The following AMPH variants were observed in gnomAD, a reference collection of about 807,000 sequenced individuals.
The protein encoded by AMPH is amphiphysin (Stiff-Mann syndrome with breast cancer 128kD autoantigen).
In AMPH, 49 loss-of-function variants were observed where a neutral mutation model predicts 99.1. The ratio of observed to expected loss-of-function variants is 0.49; its 90% CI spans 0.39 to 0.63. The LOEUF (loss-of-function observed/expected upper bound fraction) is 0.63, where lower values mean the gene tolerates loss of function less well. Ranked by LOEUF, AMPH falls within the 20% of genes least tolerant of loss-of-function variation. The pLI is 0.00. For missense variants in AMPH, 759 were observed against 863.4 expected (o/e 0.88, Z 1.52); for synonymous variants, 314 against 317.3 (o/e 0.99, Z 0.11).
At chr7:38,420,436 C>T (rs2128988287) in intron 16 of AMPH, among the ~76,000 whole-genome samples, 1 of 152,296 alleles carries the variant, frequency 6.6e-6, no homozygotes, top group South Asian at 2.1e-4. Flanking sequence ...CATGCCACAC[C>T]TATTTTGGAG....
At chr7:38,431,524 C>T (rs7806970) in intron 13 of AMPH, among the ~76,000 whole-genome samples, 55,792 of 151,728 alleles carry the variant, frequency 0.37, 11,243 homozygotes, top group Non-Finnish European at 0.46. Context: ...GGCGCGGTGG[C>T]GGGTGCCTGT....
At chr7:38,438,313 G>A (rs1196493604) in intron 11 of AMPH, among the ~76,000 whole-genome samples, 1 of 152,142 alleles carries the variant, frequency 6.6e-6, no homozygotes, top group African/African-American at 2.4e-5. Flanking sequence ...ACAAAAAATT[G>A]AGGGAGAGAT....
chr7:38,413,463 CAACT>C (rs372875372), intron 17 of AMPH, among the ~76,000 whole-genome samples: 49 of 152,240 alleles, frequency 3.2e-4, no homozygotes, highest in African/African-American at 1.1e-3. Flanking sequence ...ACTGCACTGT[CAACT>C]AACTAACAAA....
chr7:38,385,386 T>G (rs1242206635), intron 20 of AMPH, among the ~76,000 whole-genome samples: 1 of 152,164 alleles, frequency 6.6e-6, no homozygotes, highest in Middle Eastern at 3.2e-3. Flanking sequence ...GGAATACTGA[T>G]GAGGCCATGG....
chr7:38,597,573 G>T (rs1232595561), intron 1 of AMPH, among the ~76,000 whole-genome samples: 1 of 152,088 alleles, frequency 6.6e-6, no homozygotes, highest in African/African-American at 2.4e-5. Flanking sequence ...ATGCTGAGGT[G>T]AATTATCTTT....
intron 6 of AMPH, among the ~76,000 whole-genome samples, chr7:38,475,949 C>T (rs962425992): frequency 1.3e-5 from 2 of 152,144 alleles, no homozygotes; most frequent in Admixed American, 1.3e-4. Flanking sequence ...AAATGGAATT[C>T]CAGCTTACCA....
At chr7:38,392,065 GA>G in intron 18 of AMPH, 48 bp from the exon 19 acceptor site, 1 of 1,583,926 alleles carries the variant, frequency 6.3e-7, no homozygotes, top group African/African-American at 1.3e-5. Flanking sequence ...CTGGAAAACA[GA>G]ACCTCCTTGT....
At chr7:38,514,152 C>G (rs568084115) in intron 2 of AMPH, among the ~76,000 whole-genome samples, 1 of 152,086 alleles carries the variant, frequency 6.6e-6, no homozygotes, top group East Asian at 1.9e-4. Context: ...TGTCTGCCTC[C>G]CTGTTTTGGA....
At chr7:38,451,184 T>A (rs1046113511) in intron 11 of AMPH, among the ~76,000 whole-genome samples, 1 of 151,824 alleles carries the variant, frequency 6.6e-6, no homozygotes, top group Non-Finnish European at 1.5e-5. Context: ...TGAGTCACCA[T>A]GTCTGGCCCC....
At chr7:38,625,398 A>G (rs1384393238) in intron 1 of AMPH, among the ~76,000 whole-genome samples, 2 of 152,218 alleles carry the variant, frequency 1.3e-5, no homozygotes, top group African/African-American at 4.8e-5. Context: ...AAAATAAGCA[A>G]ATTTTTAAAG....
intron 2 of AMPH, among the ~76,000 whole-genome samples, chr7:38,514,637 C>T (rs1175650212): frequency 1.3e-5 from 2 of 152,082 alleles, no homozygotes; most frequent in African/African-American, 4.8e-5. Context: ...GGAGTGGGCT[C>T]CTGGTATTAA....
At chr7:38,418,582 G>T (rs994084589) in intron 16 of AMPH, among the ~76,000 whole-genome samples, 5 of 152,210 alleles carry the variant, frequency 3.3e-5, no homozygotes, top group Non-Finnish European at 7.3e-5. Context: ...AACAGAATCA[G>T]CTACCTGGCT....
chr7:38,426,005 C>T (rs75288498), intron 15 of AMPH, among the ~76,000 whole-genome samples: 1 of 152,146 alleles, frequency 6.6e-6, no homozygotes, highest in African/African-American at 2.4e-5. Flanking sequence ...GATGCATTAA[C>T]GTCTCTTTGT....
chr7:38,465,045 C>A (rs1399354317), intron 9 of AMPH, among the ~76,000 whole-genome samples: 1 of 152,102 alleles, frequency 6.6e-6, no homozygotes, highest in Non-Finnish European at 1.5e-5. Context: ...CTTTCCTTTC[C>A]CAAAATGGAT....
chr7:38,581,370 G>A (rs1349139260), intron 1 of AMPH, among the ~76,000 whole-genome samples: 1 of 152,096 alleles, frequency 6.6e-6, no homozygotes, highest in Admixed American at 6.6e-5. Flanking sequence ...CAGATAAATG[G>A]GGACGGGCAC....
chr7:38,429,148 C>G, intron 14 of AMPH: 1 of 1,289,938 alleles, frequency 7.8e-7, no homozygotes, highest in East Asian at 5.5e-5. Context: ...TCATGACTTT[C>G]TTTGAACAGG....
chr7:38,559,622 C>T (rs545452993), intron 1 of AMPH, among the ~76,000 whole-genome samples: 39 of 152,312 alleles, frequency 2.6e-4, no homozygotes, highest in South Asian at 1.0e-3. Flanking sequence ...GTGCCAAAAA[C>T]GGTGCTGCAT....
chr7:38,596,639 C>T (rs879870627), intron 1 of AMPH, among the ~76,000 whole-genome samples: 5 of 152,070 alleles, frequency 3.3e-5, no homozygotes, highest in Admixed American at 2.6e-4. Context: ...TGAAACGTGA[C>T]GGGAAGGGAA....
intron 11 of AMPH, among the ~76,000 whole-genome samples, chr7:38,448,813 A>G (rs890267910): frequency 1.3e-5 from 2 of 152,184 alleles, no homozygotes; most frequent in Non-Finnish European, 2.9e-5. Context: ...ATAATCCTGA[A>G]ATGCTCTAGG....
Sources: gnomAD v4.1 joint callset for allele counts (sites outside exome capture counted in the v4.1 genomes callset) on GRCh38, gnomAD v4.1.1 for gene constraint, MANE v1.5 for transcripts, NCBI Gene and HGNC (gene_info 2026-07-23, HGNC 2026-07-21) for gene names.